JAKMIP3: variants seen among roughly 807,000 people sequenced by gnomAD.
JAKMIP3 encodes the protein janus kinase and microtubule-interacting protein 3.
Under a neutral mutation model 118.5 loss-of-function variants are expected in JAKMIP3, and 58 were observed. The observed-to-expected ratio is 0.49, with a 90% confidence interval of 0.40 to 0.61. JAKMIP3 has a LOEUF of 0.61. Ranked by LOEUF, JAKMIP3 falls within the 20% of genes least tolerant of loss-of-function variation. The pLI, the probability that JAKMIP3 is intolerant of heterozygous loss-of-function variation, is 0.00. For synonymous variants in JAKMIP3, 486 were observed against 451.2 expected (o/e 1.08, Z -0.98); for missense variants, 950 against 1,109.0 (o/e 0.86, Z 2.04).
Position 132,071,518 on chromosome 10 carries a change from T to C in JAKMIP3, c.-138+5457T>C, listed in dbSNP as rs546063765. ...AGGAAGTGAATATCCTTACCAATTT[T>C]CTCTGCACTGCTTTCATCTCTTAGA... On this transcript the variant is annotated intron_variant, in intron 1 of 23. Transcript: ENST00000684848. Among the ~76,000 whole-genome samples the C allele has an allele frequency of 7.9e-5, 12 of 152,338 alleles. No individual in the cohort carries two copies. In the East Asian group the frequency reaches 1.5e-3, roughly 20 times the overall value.
chr10:132,057,518 C>T (rs980439056), intron 1 of JAKMIP3, among the ~76,000 whole-genome samples: 17 of 152,162 alleles, frequency 1.1e-4, no homozygotes, highest in Non-Finnish European at 1.8e-4. Flanking sequence ...GCTGCCCCGC[C>T]GGTTAGTGTC....
chr10:132,134,931 A>G, intron 4 of JAKMIP3, 110 bp from the exon 5 acceptor site: 1 of 1,344,280 alleles, frequency 7.4e-7, no homozygotes, highest in South Asian at 1.4e-5. Context: ...CGTGGAGGTA[A>G]AGGCGCGCGT....
intron 1 of JAKMIP3, among the ~76,000 whole-genome samples, chr10:132,047,164 G>A (rs7096411): frequency 0.48 from 72,472 of 151,944 alleles, 18,386 homozygotes; most frequent in East Asian, 0.97. Context: ...ATGAGCCACT[G>A]CACCCAGCCA....
intron 20 of JAKMIP3, among the ~76,000 whole-genome samples, chr10:132,164,329 G>A (rs1032229723): frequency 6.6e-6 from 1 of 152,224 alleles, no homozygotes; most frequent in Non-Finnish European, 1.5e-5. Context: ...GCTCTCCTGC[G>A]ACCCTCTGGC....
chr10:132,136,955 C>T, intron 6 of JAKMIP3, 64 bp from the exon 7 acceptor site: 2 of 1,559,628 alleles, frequency 1.3e-6, no homozygotes, highest in Non-Finnish European at 1.7e-6. Context: ...CCCCCGCCGA[C>T]CCACTGTGTT....
chr10:132,099,650 T>A (rs7899203), intron 1 of JAKMIP3, among the ~76,000 whole-genome samples: 2 of 151,944 alleles, frequency 1.3e-5, no homozygotes, highest in East Asian at 2.0e-4. Context: ...TTATTTTTCC[T>A]GGTCAAATGC....
chr10:132,156,769 A>G (rs960262090), intron 19 of JAKMIP3, among the ~76,000 whole-genome samples: 2 of 152,200 alleles, frequency 1.3e-5, no homozygotes, highest in Admixed American at 6.5e-5. Context: ...CGGGTGATGC[A>G]TAGGTGAAGA....
At chr10:132,139,068 G>GTGTGTGTA (rs1554946060) in intron 9 of JAKMIP3, among the ~76,000 whole-genome samples, 2 of 145,936 alleles carry the variant, frequency 1.4e-5, no homozygotes, top group Non-Finnish European at 3.0e-5. Context: ...GTGTGTGTGT[G>GTGTGTGTA]TATGTGTATG....
rs2062427068 is a variant in JAKMIP3 at position 132,049,573 on chromosome 10, G to A, written c.-138+12835G>A. 6.6e-6 allele frequency among the ~76,000 whole-genome samples: 1 copy of A among 151,724 alleles called. No individual in the cohort carries two copies. On this transcript the variant is annotated intron_variant, in intron 1 of 23. Transcript: ENST00000657785. The surrounding 1 kb of genome is among the most constrained non-coding windows in gnomAD (Gnocchi z 4.3). ...CTAAGCTGTTGAATTCCTAAATCGG[G>A]GTGTTTTTCCATATCCTTGAATGCT...
At chr10:132,039,741 TG>T (rs1012681868) in intron 1 of JAKMIP3, among the ~76,000 whole-genome samples, 17 of 152,214 alleles carry the variant, frequency 1.1e-4, no homozygotes, top group African/African-American at 4.1e-4. Flanking sequence ...GTCTTGAAGA[TG>T]GGGGAAGCTT....
intron 20 of JAKMIP3, among the ~76,000 whole-genome samples, 183 bp downstream of exon 20, chr10:132,163,595 G>C (rs566323083): frequency 6.6e-6 from 1 of 152,026 alleles, no homozygotes; most frequent in Non-Finnish European, 1.5e-5. Context: ...CCCCCAAACC[G>C]TCACGCCTTC....
intron 19 of JAKMIP3, among the ~76,000 whole-genome samples, chr10:132,156,498 C>T (rs988571492): frequency 6.6e-6 from 1 of 152,182 alleles, no homozygotes; most frequent in Non-Finnish European, 1.5e-5. Context: ...AGGACCCCAC[C>T]CAGCCTTCGC....
intron 1 of JAKMIP3, among the ~76,000 whole-genome samples, chr10:132,097,973 T>TCCC: frequency 2.0e-4 from 4 of 20,444 alleles, no homozygotes; most frequent in Non-Finnish European, 3.7e-4. Flanking sequence ...TTCCTTCCTT[T>TCCC]TCTCCCCTTC....
At chr10:132,137,405 T>C in intron 8 of JAKMIP3, 116 bp downstream of exon 8, 1 of 1,311,300 alleles carries the variant, frequency 7.6e-7, no homozygotes, top group South Asian at 1.3e-5. Context: ...GCGGCAGCCT[T>C]TCGGGTGGAT....
At position 132,037,094 on chromosome 10, in the gene JAKMIP3, T is replaced by G. The variant is rs375936730; in HGVS notation, c.-138+356T>G. ...CGCGGAAAGGGGCGCCGTGCGATTA[T>G]TTTTATGTTGGTGTCTGGTTTTTAA... On this transcript the variant is annotated intron_variant, in intron 1 of 23. Coordinates refer to the JAKMIP3 transcript ENST00000657785. Among the ~76,000 whole-genome samples, 9 of 152,332 alleles carry G rather than the reference T, an allele frequency of 5.9e-5. No individual in the cohort carries two copies. The South Asian group carries it at 1.9e-3, about 32-fold the overall frequency.
intron 22 of JAKMIP3, among the ~76,000 whole-genome samples, 154 bp from the exon 23 acceptor site, chr10:132,167,799 C>T (rs947255368): frequency 4.3e-4 from 65 of 150,918 alleles, no homozygotes; most frequent in African/African-American, 1.5e-3. Context: ...CGCAGCCCTT[C>T]GGTCCTCACC....
At position 132,044,029 on chromosome 10, in the gene JAKMIP3, C is replaced by T. The variant is rs374212341; in HGVS notation, c.-138+7291C>T. ...AAGAGGGCAGGAAGTGCACAGACCT[C>T]GGGGTTCAGTAGGCTCTCAGGCAGT... On this transcript the variant is annotated intron_variant, in intron 1 of 23. Transcript: ENST00000657785. The surrounding 1 kb of genome is among the most constrained non-coding windows in gnomAD (Gnocchi z 5.3). 3.5e-4 allele frequency among the ~76,000 whole-genome samples: 53 copies of T among 152,264 alleles called. No individual in the cohort carries two copies. The highest frequency in any genetic ancestry group is 1.3e-3 in the African/African-American group (52 of 41,534).
intron 1 of JAKMIP3, among the ~76,000 whole-genome samples, chr10:132,043,715 G>A (rs2037827116): frequency 6.6e-6 from 1 of 152,180 alleles, no homozygotes; most frequent in African/African-American, 2.4e-5. Flanking sequence ...ATGACGAGGA[G>A]GGCTGGGGGG....
At chr10:132,100,550 G>A (rs1344014778) in intron 1 of JAKMIP3, among the ~76,000 whole-genome samples, 5 of 152,136 alleles carry the variant, frequency 3.3e-5, no homozygotes, top group Admixed American at 2.0e-4. Context: ...GAGGGTTGGG[G>A]GGTGAGCAGA....
Sources: gnomAD v4.1 joint callset for allele counts (sites outside exome capture counted in the v4.1 genomes callset) on GRCh38, gnomAD v4.1.1 for gene constraint, Gnocchi (gnomAD v3.1) non-coding constraint, MANE v1.5 for transcripts, NCBI Gene and HGNC (gene_info 2026-07-23, HGNC 2026-07-21) for gene names.